Variants in GREB1L observed in about 807,000 individuals in gnomAD.
GREB1L encodes the protein GREB1-like protein.
A neutral mutation model predicts 200.8 loss-of-function variants in GREB1L; 17 were observed. That is an observed-to-expected ratio of 0.08 (90% CI 0.06 to 0.13). GREB1L has a LOEUF of 0.13. Ranked by LOEUF, GREB1L falls within the 10% of genes least tolerant of loss-of-function variation. The pLI is 1.00. For synonymous variants in GREB1L, 789 were observed against 893.0 expected, an observed-to-expected ratio of 0.88 and a Z score of 2.08; for missense variants, 1,657 against 2,367.7, an observed-to-expected ratio of 0.70 and a Z score of 6.23.
chr18:21,440,136 AG>A lies in GREB1L; in HGVS notation c.950-132del. ...TTTTTTTAAACTTTACCTCTAAAGG[AG>A]TGATTTAGACTTTCTGAGTATAATC... On this transcript the variant is annotated intron_variant, in intron 8 of 32. Coordinates refer to ENST00000424526, the MANE Select transcript of GREB1L (RefSeq NM_001142966.3). 1.1e-5 allele frequency: 10 copies of A among 890,340 alleles called. No individual in the cohort carries two copies. The South Asian group carries it at 1.9e-4, about 17-fold the overall frequency. 55.2% of individuals were successfully genotyped at this position (890,340 alleles called of 1,614,324 possible).
intron 15 of GREB1L, among the ~76,000 whole-genome samples, chr18:21,462,119 G>A (rs1316746607): frequency 6.6e-6 from 1 of 152,250 alleles, no homozygotes; most frequent in African/African-American, 2.4e-5. Context: ...GTAAGATTTA[G>A]TATTTAGTTA....
intron 1 of GREB1L, among the ~76,000 whole-genome samples, chr18:21,299,433 G>A (rs937812523): frequency 2.6e-5 from 4 of 151,300 alleles, no homozygotes; most frequent in Non-Finnish European, 5.9e-5. Context: ...TAAATATATA[G>A]ACTCTTAGTA....
Position 21,501,120 on chromosome 18 carries a change from G to A in GREB1L, c.4072+478G>A, listed in dbSNP as rs533083525. On this transcript the variant is annotated intron_variant, in intron 23 of 32. Coordinates refer to ENST00000424526, the MANE Select transcript of GREB1L (RefSeq NM_001142966.3). ...AGAAATGAAAAAAAAGAATGTGCCC[G>A]GCAAATAGTTCTGAGTAAACTGTAG... Among the ~76,000 whole-genome samples the A allele has an allele frequency of 3.3e-5, 5 of 151,528 alleles. No individual in the cohort carries two copies. In the South Asian group the frequency reaches 6.3e-4, roughly 19 times the overall value.
chr18:21,443,226 G>A (rs781210660), intron 10 of GREB1L, among the ~76,000 whole-genome samples: 42 of 149,004 alleles, frequency 2.8e-4, no homozygotes, highest in African/African-American at 5.2e-4. Context: ...TTTTTGAGAC[G>A]GAGTCTCTCT....
At chr18:21,351,270 A>G (rs1353250723) in intron 1 of GREB1L, among the ~76,000 whole-genome samples, 2 of 152,244 alleles carry the variant, frequency 1.3e-5, no homozygotes, top group African/African-American at 4.8e-5. Flanking sequence ...GGTTAATTCA[A>G]TTATTTAAAA....
chr18:21,477,095 A>G lies in GREB1L; in HGVS notation c.2364-69A>G, dbSNP rs533022627. ...AAATAAAAACTAAAACAGTATGTCC[A>G]TGTTAGTGTCTGATTCTATATCTAC... On this transcript the variant is annotated intron_variant, in intron 16 of 32. Transcript: ENST00000424526. 1.8e-4 allele frequency: 184 copies of G among 1,011,352 alleles called. No homozygotes were observed. In the South Asian group the frequency reaches 2.9e-3, roughly 16 times the overall value. 62.6% of individuals were successfully genotyped at this position (1,011,352 alleles called of 1,614,324 possible).
At chr18:21,273,478 TATTTTA>T (rs1437660484) in intron 1 of GREB1L, among the ~76,000 whole-genome samples, 2 of 152,206 alleles carry the variant, frequency 1.3e-5, no homozygotes, top group African/African-American at 4.8e-5. Flanking sequence ...CATACTTAAC[TATTTTA>T]ATTGTCTATT....
At chr18:21,422,980 G>T (rs758215040) in intron 7 of GREB1L, among the ~76,000 whole-genome samples, 2 of 152,078 alleles carry the variant, frequency 1.3e-5, no homozygotes, top group Non-Finnish European at 2.9e-5. Context: ...GCCTAAGCTG[G>T]AGTATAGTGG....
chr18:21,447,322 G>A (rs2034280137), intron 11 of GREB1L, among the ~76,000 whole-genome samples: 2 of 152,074 alleles, frequency 1.3e-5, no homozygotes, highest in Admixed American at 1.3e-4. Context: ...TTTTTAAAAG[G>A]CTGAGGATGA....
chr18:21,377,270 A>C (rs1484245762), intron 2 of GREB1L, among the ~76,000 whole-genome samples: 1 of 152,098 alleles, frequency 6.6e-6, no homozygotes, highest in East Asian at 1.9e-4. Context: ...GGAAGGAAAA[A>C]AAAAAAGAGT....
chr18:21,268,560 C>CACACACATATAT (rs1204514384), intron 1 of GREB1L, among the ~76,000 whole-genome samples: 18 of 63,526 alleles, frequency 2.8e-4, no homozygotes, highest in Admixed American at 4.1e-4. Flanking sequence ...CACACACACA[C>CACACACATATAT]ATATATATAT....
At chr18:21,522,393 G>T (rs1338517914) in intron 32 of GREB1L, among the ~76,000 whole-genome samples, 2 of 152,002 alleles carry the variant, frequency 1.3e-5, no homozygotes, top group Admixed American at 6.5e-5. Flanking sequence ...GGAATTGCTT[G>T]AACCCAGGAG....
intron 1 of GREB1L, among the ~76,000 whole-genome samples, chr18:21,302,455 G>A (rs919279994): frequency 1.3e-5 from 2 of 152,152 alleles, no homozygotes; most frequent in African/African-American, 4.8e-5. Flanking sequence ...GCAGAATAGT[G>A]GGTTTTGTAA....
chr18:21,331,227 T>C (rs1035011394), intron 1 of GREB1L, among the ~76,000 whole-genome samples: 2 of 152,152 alleles, frequency 1.3e-5, no homozygotes, highest in African/African-American at 4.8e-5. Context: ...ATGCAGAGCA[T>C]TGGGGCCCTA....
intron 30 of GREB1L, among the ~76,000 whole-genome samples, chr18:21,517,120 C>T (rs1365108219): frequency 3.9e-5 from 6 of 152,160 alleles, no homozygotes; most frequent in East Asian, 1.9e-4. Context: ...GTGATCCACC[C>T]GCCTTGGCCT....
At chr18:21,311,367 G>A (rs571343526) in intron 1 of GREB1L, among the ~76,000 whole-genome samples, 1 of 152,112 alleles carries the variant, frequency 6.6e-6, no homozygotes, top group Non-Finnish European at 1.5e-5. Flanking sequence ...AGTTAATAGG[G>A]GTATAGAGGT....
At chr18:21,311,074 G>C (rs547998054) in intron 1 of GREB1L, among the ~76,000 whole-genome samples, 4 of 152,318 alleles carry the variant, frequency 2.6e-5, no homozygotes, top group Admixed American at 6.5e-5. Flanking sequence ...GATGGAGGGT[G>C]AGGAAGTTGA....
chr18:21,275,803 AG>A (rs1443375443), intron 1 of GREB1L, among the ~76,000 whole-genome samples: 2 of 152,230 alleles, frequency 1.3e-5, no homozygotes, highest in Non-Finnish European at 2.9e-5. Context: ...TTGAAAATAA[AG>A]TTTTATTGAA....
At chr18:21,405,740 G>A (rs548933067) in intron 7 of GREB1L, among the ~76,000 whole-genome samples, 45 of 152,272 alleles carry the variant, frequency 3.0e-4, no homozygotes, top group Admixed American at 5.2e-4. Context: ...GGTGGAAGTT[G>A]CAATGAGCCG....
Sources: gnomAD v4.1 joint callset for allele counts (sites outside exome capture counted in the v4.1 genomes callset) on GRCh38, gnomAD v4.1.1 for gene constraint, MANE v1.5 for transcripts, NCBI Gene and HGNC (gene_info 2026-07-23, HGNC 2026-07-21) for gene names.